CMKLR2: variants seen among roughly 807,000 people sequenced by gnomAD.
CMKLR2 encodes the protein chemerin chemokine-like receptor 2.
CMKLR2 carries 18 observed loss-of-function variants against 23.0 expected under a neutral mutation model. The ratio of observed to expected loss-of-function variants is 0.78; its 90% CI spans 0.54 to 1.16. The LOEUF is 1.16. Among genes scored for constraint, CMKLR2 ranks in the 50% most tolerant of loss-of-function variants. The pLI is 0.00. For missense variants in CMKLR2, 401 were observed against 412.7 expected, an observed-to-expected ratio of 0.97 and a Z score of 0.25; for synonymous variants, 158 against 158.9, an observed-to-expected ratio of 0.99 and a Z score of 0.05.
At chr2:206,212,438 A>C (rs1232595512) in intron 1 of CMKLR2, among the ~76,000 whole-genome samples, 2 of 151,820 alleles carry the variant, frequency 1.3e-5, no homozygotes, top group Non-Finnish European at 2.9e-5. Context: ...ATTTAACAAC[A>C]GGTTTGTGGA....
chr2:206,209,614 T>C (rs1418794402), intron 1 of CMKLR2, among the ~76,000 whole-genome samples: 1 of 151,570 alleles, frequency 6.6e-6, no homozygotes, highest in Non-Finnish European at 1.5e-5. Context: ...TACTTATAAG[T>C]GAGAACATGC....
chr2:206,177,942 A>G (rs1484563406), intron 1 of CMKLR2, among the ~76,000 whole-genome samples: 2 of 152,226 alleles, frequency 1.3e-5, no homozygotes, highest in Admixed American at 6.5e-5. Context: ...TGGCAGATGC[A>G]AAAGAAAACG....
intron 1 of CMKLR2, among the ~76,000 whole-genome samples, chr2:206,197,415 C>G (rs1305483580): frequency 1.3e-5 from 2 of 152,130 alleles, no homozygotes; most frequent in Non-Finnish European, 2.9e-5. Flanking sequence ...TGGTGCAAAT[C>G]CAGGTGCTGG....
At chr2:206,191,889 G>A (rs1688761198) in intron 1 of CMKLR2, among the ~76,000 whole-genome samples, 1 of 146,432 alleles carries the variant, frequency 6.8e-6, no homozygotes, top group Non-Finnish European at 1.5e-5. Flanking sequence ...CACCCAGGCT[G>A]GAGTGCAATG....
chr2:206,176,680 T>G lies in CMKLR2; in HGVS notation c.568A>C (p.Asn190His). ...AGGTCAGGATCATGCTTCTGAAAAT[T>G]GTTATAGCAAAGAGTATGATTATTG... ...EFNNHTLCYN[N>H]FQKHDPDLTL... is the part of the protein sequence containing the mutation. Residue 190 changes from asparagine to histidine, a missense_variant, in exon 2 of 2, where the codon AAT becomes CAT. Coordinates refer to ENST00000621141, the MANE Select transcript of CMKLR2 (RefSeq NM_001389445.1). The G allele has an allele frequency of 6.2e-7, 1 of 1,614,118 alleles. No homozygotes were observed. Among genetic ancestry groups the G allele is most frequent in the South Asian group, 1.1e-5 (1 of 91,068 alleles).
intron 1 of CMKLR2, among the ~76,000 whole-genome samples, chr2:206,188,379 G>T (rs1366832512): frequency 6.6e-6 from 1 of 152,174 alleles, no homozygotes; most frequent in Non-Finnish European, 1.5e-5. Context: ...CCAGGATAAG[G>T]CTTTTCGACT....
intron 1 of CMKLR2, among the ~76,000 whole-genome samples, chr2:206,187,405 T>C (rs894807521): frequency 7.2e-5 from 11 of 152,206 alleles, no homozygotes; most frequent in African/African-American, 2.7e-4. Flanking sequence ...CAGGTAGGAA[T>C]TGACAGACCC....
intron 1 of CMKLR2, among the ~76,000 whole-genome samples, chr2:206,196,970 G>C (rs564350996): frequency 6.6e-6 from 1 of 152,100 alleles, no homozygotes; most frequent in Admixed American, 6.5e-5. Flanking sequence ...GTGCAGTGGC[G>C]TGATCTCGGC....
rs1688245638 is a variant in CMKLR2, at chr2:206,176,941, A to G, written c.307T>C (p.Trp103Arg). The stretch of plus-strand genomic sequence containing the variant: ...TTGCACAGCCAGATGCCAAAGGGCC[A>G]GTGGAAATTCATGGCCACATAGGAG... ...YISYVAMNFH[W>R]PFGIWLCKAN... Residue 103 changes from tryptophan to arginine, a missense_variant, in exon 2 of 2, where the codon TGG (tryptophan) becomes CGG (arginine). Transcript: ENST00000621141. The G allele has an allele frequency of 6.2e-7, 1 of 1,614,158 alleles. No individual in the cohort carries two copies. The highest frequency in any genetic ancestry group is 8.5e-7 in the Non-Finnish European group (1 of 1,180,060).
At chr2:206,203,675 C>T (rs571109668) in intron 1 of CMKLR2, 8 of 152,382 alleles carry the variant, frequency 5.2e-5, no homozygotes, top group African/African-American at 1.2e-4. Context: ...AACCTGCAGT[C>T]TTGTAAGTAC....
chr2:206,192,879 T>C (rs1167127752), intron 1 of CMKLR2, among the ~76,000 whole-genome samples: 1 of 152,218 alleles, frequency 6.6e-6, no homozygotes, highest in Non-Finnish European at 1.5e-5. Context: ...AATAGTATAG[T>C]ATTTGCATAT....
At chr2:206,181,062 A>G (rs1214750600) in intron 1 of CMKLR2, among the ~76,000 whole-genome samples, 1 of 150,004 alleles carries the variant, frequency 6.7e-6, no homozygotes, top group Non-Finnish European at 1.5e-5. Context: ...GCCCGGACTT[A>G]TTATTATTAT....
chr2:206,212,739 C>T (rs6726033), intron 1 of CMKLR2, among the ~76,000 whole-genome samples: 115,965 of 152,128 alleles, frequency 0.76, 44,500 homozygotes, highest in Non-Finnish European at 0.82. Flanking sequence ...GCAACAACAA[C>T]AAACAAATGG....
intron 1 of CMKLR2, among the ~76,000 whole-genome samples, chr2:206,195,497 T>C (rs904373763): frequency 6.6e-6 from 1 of 152,202 alleles, no homozygotes; most frequent in Non-Finnish European, 1.5e-5. Flanking sequence ...GCCTGGATGC[T>C]GCTGGCTGGG....
upstream of CMKLR2, among the ~76,000 whole-genome samples, chr2:206,214,376 AT>A (rs1689681678): frequency 6.6e-6 from 1 of 151,038 alleles, no homozygotes; most frequent in Non-Finnish European, 1.5e-5. Context: ...GTTTCACCAC[AT>A]TGGCCAGGCT....
upstream of CMKLR2, among the ~76,000 whole-genome samples, chr2:206,215,715 G>C (rs1000663374): frequency 1.3e-5 from 2 of 152,194 alleles, no homozygotes; most frequent in African/African-American, 2.4e-5. Flanking sequence ...ACACCCTAAG[G>C]CATGACTTGC....
At chr2:206,197,660 A>T (rs541842984) in intron 1 of CMKLR2, among the ~76,000 whole-genome samples, 1 of 151,868 alleles carries the variant, frequency 6.6e-6, no homozygotes, top group Admixed American at 6.6e-5. Flanking sequence ...TTTCCCCTTT[A>T]CTCTTCAGCT....
At chr2:206,185,044 G>A (rs906496359) in intron 1 of CMKLR2, among the ~76,000 whole-genome samples, 2 of 152,106 alleles carry the variant, frequency 1.3e-5, no homozygotes, top group African/African-American at 4.8e-5. Context: ...CTGGAGTGCA[G>A]TGGCATGATC....
chr2:206,209,211 G>C (rs573692329), intron 1 of CMKLR2, among the ~76,000 whole-genome samples: 1 of 151,886 alleles, frequency 6.6e-6, no homozygotes, highest in African/African-American at 2.4e-5. Flanking sequence ...GGTGGTACAC[G>C]CCTGTAATCC....
Sources: allele counts gnomAD v4.1 joint callset (sites outside exome capture counted in the v4.1 genomes callset), GRCh38; gene constraint gnomAD v4.1.1; transcripts MANE v1.5; gene names NCBI Gene and HGNC (gene_info 2026-07-23, HGNC 2026-07-21).